AP1AR: variants seen among roughly 807,000 people sequenced by gnomAD.
The protein encoded by AP1AR is adaptor related protein complex 1 associated regulatory protein.
AP1AR carries 29 observed loss-of-function variants against 46.3 expected under a neutral mutation model. The observed-to-expected ratio is 0.63, with a 90% CI of 0.47 to 0.85. The LOEUF (loss-of-function observed/expected upper bound fraction) is 0.85, where lower values mean the gene tolerates loss of function less well. Ranked by LOEUF, AP1AR falls within the 40% of genes least tolerant of loss-of-function variation. AP1AR has a pLI of 0.00. For synonymous variants in AP1AR, 122 were observed against 122.9 expected, an observed-to-expected ratio of 0.99 and a Z score of 0.05; for missense variants, 357 against 356.3, an observed-to-expected ratio of 1.00 and a Z score of -0.02.
chr4:112,268,428 T>G lies in AP1AR; in HGVS notation c.*19T>G. The G allele has an allele frequency of 6.4e-7, 1 of 1,559,496 alleles. No homozygotes were observed. The highest frequency in any genetic ancestry group is 8.7e-7 in the Non-Finnish European group (1 of 1,152,710). On this transcript the variant is annotated 3_prime_UTR_variant, in exon 10 of 10. Transcript: ENST00000274000. ...TCGATAGGGTAAAATTGTGTGACCTTGTTTATCAGTTATGACCAAATGTTA... is the reference window on the plus strand; with the variant it reads ...TCGATAGGGTAAAATTGTGTGACCTGGTTTATCAGTTATGACCAAATGTTA...
chr4:112,265,633 A>G (rs939611062), intron 7 of AP1AR, 101 bp from the exon 8 acceptor site: 10 of 762,206 alleles, frequency 1.3e-5, no homozygotes, highest in African/African-American at 7.3e-5. Flanking sequence ...ATGAATTTGT[A>G]TGACATAGGT....
At chr4:112,240,045 A>G (rs1199244478) in intron 1 of AP1AR, among the ~76,000 whole-genome samples, 2 of 152,240 alleles carry the variant, frequency 1.3e-5, no homozygotes, top group Non-Finnish European at 2.9e-5. Context: ...TTCAGAGTCA[A>G]TAGATCTTTT....
rs1726529003 is a variant in AP1AR, at chr4:112,263,200, G to A, written c.381+114G>A. 8 of 750,402 alleles carry A rather than the reference G, an allele frequency of 1.1e-5. No individual in the cohort carries two copies. In the South Asian group the frequency reaches 1.6e-4, roughly 15 times the overall value. The allele number at this position is 750,402 out of a possible 1,614,324, so 46.5% of individuals were successfully genotyped here. ...TCTCAAGGACTTCTTGTTTAACAACGAATGTGTTTACCCATATATTCTTAA... is the reference window on the plus strand; with the variant it reads ...TCTCAAGGACTTCTTGTTTAACAACAAATGTGTTTACCCATATATTCTTAA... On this transcript the variant is annotated intron_variant, in intron 6 of 9. Coordinates refer to ENST00000274000, the MANE Select transcript of AP1AR (RefSeq NM_018569.6).
intron 1 of AP1AR, among the ~76,000 whole-genome samples, chr4:112,250,198 A>T (rs1009106689): frequency 6.6e-6 from 1 of 152,232 alleles, no homozygotes. Flanking sequence ...CAAGAGCCTC[A>T]TTGAGAACAA....
chr4:112,244,945 G>A (rs560581526), intron 1 of AP1AR, among the ~76,000 whole-genome samples: 19 of 152,080 alleles, frequency 1.2e-4, no homozygotes, highest in Admixed American at 2.6e-4. Flanking sequence ...AATTATGTTT[G>A]CATAATAGAA....
intron 1 of AP1AR, among the ~76,000 whole-genome samples, chr4:112,239,486 A>G (rs1328845226): frequency 6.6e-6 from 1 of 152,118 alleles, no homozygotes; most frequent in East Asian, 1.9e-4. Flanking sequence ...CTCTTCTCAC[A>G]CTATACTCTC....
At chr4:112,240,380 C>G (rs762255282) in intron 1 of AP1AR, among the ~76,000 whole-genome samples, 1 of 152,146 alleles carries the variant, frequency 6.6e-6, no homozygotes, top group Non-Finnish European at 1.5e-5. Context: ...CATCATGGAA[C>G]CATCTGCTTT....
rs899835994 is a variant in AP1AR at position 112,258,505 on chromosome 4, T to C, written c.185+708T>C. On this transcript the variant is annotated intron_variant, in intron 4 of 9. Transcript: ENST00000274000. ...GTAGGGAAAGCAATTAAATAGTGAT[T>C]ATAGAACATTCTAGGGAACCTTAGA... Among the ~76,000 whole-genome samples, 6 of 151,850 alleles carry C rather than the reference T, an allele frequency of 4.0e-5. No individual in the cohort carries two copies. The South Asian group carries it at 8.3e-4, about 21-fold the overall frequency.
chr4:112,250,145 A>G (rs1725893677), intron 1 of AP1AR, among the ~76,000 whole-genome samples: 3 of 152,198 alleles, frequency 2.0e-5, no homozygotes, highest in African/African-American at 7.2e-5. Flanking sequence ...CTTCACTTAC[A>G]TTCTCATCCT....
intron 3 of AP1AR, 130 bp from the exon 4 acceptor site, chr4:112,257,642 T>A: frequency 4.9e-6 from 3 of 612,424 alleles, no homozygotes; most frequent in Non-Finnish European, 7.8e-6. Context: ...TATTTAATAG[T>A]GAAATGTATT....
chr4:112,262,654 G>A (rs1002580233), intron 5 of AP1AR, among the ~76,000 whole-genome samples: 3 of 152,104 alleles, frequency 2.0e-5, no homozygotes, highest in African/African-American at 4.8e-5. Flanking sequence ...GGCCAAAACC[G>A]GCAAACTAGT....
At position 112,266,681 on chromosome 4, in the gene AP1AR, G is replaced by A; in HGVS notation, c.608G>A (p.Ser203Asn). The change falls in exon 9 of 10, where the codon AGC becomes AAC. Residue 203 changes from serine (S) to asparagine (N), a missense_variant. Around this residue, in one of 2 missense-constraint regions of AP1AR, gnomAD observed 88 missense variants for 132.7 expected, o/e 0.66. Coordinates refer to ENST00000274000, the MANE Select transcript of AP1AR (RefSeq NM_018569.6). ...AAATCAACTAGTGGAAATGACGACAGCACATCCTTAGATCTAGAGTGGGAA... is the reference window on the plus strand; with the variant it reads ...AAATCAACTAGTGGAAATGACGACAACACATCCTTAGATCTAGAGTGGGAA... ...KTKSTSGNDD[S>N]TSLDLEWEDE... 6.2e-7 allele frequency: 1 copy of A among 1,610,044 alleles called. No homozygotes were observed. The highest frequency in any genetic ancestry group is 8.5e-7 in the Non-Finnish European group (1 of 1,177,484).
chr4:112,241,814 T>G (rs1174657482), intron 1 of AP1AR, among the ~76,000 whole-genome samples: 1 of 152,226 alleles, frequency 6.6e-6, no homozygotes. Context: ...TATTTGATAC[T>G]AATTGGAAAA....
In AP1AR at chr4:112,262,668, G is replaced by C. The variant is rs72666203; in HGVS notation, c.283-320G>C. Among the ~76,000 whole-genome samples the C allele has an allele frequency of 3.2e-3, 486 of 152,240 alleles. 3 individuals are homozygous for C. The highest frequency in any genetic ancestry group is 5.1e-3 in the Non-Finnish European group (350 of 68,018). ...GGGCCAAAACCGGCAAACTAGTGAGGGTGATAGGTGTTGGAATGATTGTTT... is the reference window on the plus strand; with the variant it reads ...GGGCCAAAACCGGCAAACTAGTGAGCGTGATAGGTGTTGGAATGATTGTTT... On this transcript the variant is annotated intron_variant, in intron 5 of 9. Coordinates refer to ENST00000274000, the MANE Select transcript of AP1AR (RefSeq NM_018569.6).
At chr4:112,232,728 G>A (rs1421143263) in intron 1 of AP1AR, among the ~76,000 whole-genome samples, 1 of 152,110 alleles carries the variant, frequency 6.6e-6, no homozygotes, top group Non-Finnish European at 1.5e-5. Flanking sequence ...GTTCCCAATG[G>A]GCATTCAGAT....
intron 1 of AP1AR, 57 bp downstream of exon 1, chr4:112,232,231 C>A: frequency 1.6e-6 from 2 of 1,246,484 alleles, no homozygotes; most frequent in Non-Finnish European, 2.0e-6. Flanking sequence ...CGGCCCCCGG[C>A]GGGGAATCCC....
chr4:112,248,798 T>G (rs1261121818), intron 1 of AP1AR, among the ~76,000 whole-genome samples: 2 of 152,204 alleles, frequency 1.3e-5, no homozygotes, highest in Non-Finnish European at 2.9e-5. Context: ...TCTCCCTTCC[T>G]TCTTCATTCC....
rs530358062 is a variant in AP1AR at position 112,272,150 on chromosome 4, G to A, written c.*3741G>A. Among the ~76,000 whole-genome samples the A allele has an allele frequency of 3.4e-4, 52 of 152,316 alleles. No homozygotes were observed. Among genetic ancestry groups the A allele is most frequent in the African/African-American group, 1.2e-3 (51 of 41,568 alleles). On this transcript the variant is annotated 3_prime_UTR_variant, in exon 10 of 10. Transcript: ENST00000274000. ...CTAATGCAGACAATTTGAAAAGAGAGCAGAGAAATGGGGTAGCTGGAAGGG... is the reference window on the plus strand; with the variant it reads ...CTAATGCAGACAATTTGAAAAGAGAACAGAGAAATGGGGTAGCTGGAAGGG...
At chr4:112,254,963 A>T (rs1319324870) in intron 3 of AP1AR, 190 bp downstream of exon 3, 14 of 290,672 alleles carry the variant, frequency 4.8e-5, no homozygotes, top group African/African-American at 2.0e-4. Context: ...ATAATTCCGA[A>T]TTTTTTTTTT....
Sources: gnomAD v4.1 joint callset for allele counts (sites outside exome capture counted in the v4.1 genomes callset) on GRCh38, gnomAD v4.1.1 for gene constraint, gnomAD v4.1.1 regional missense constraint, MANE v1.5 for transcripts, NCBI Gene and HGNC (gene_info 2026-07-23, HGNC 2026-07-21) for gene names.